EYA1: variants seen among roughly 807,000 people sequenced by gnomAD.
EYA1 encodes the protein protein phosphatase EYA1.
In EYA1, 16 loss-of-function variants were observed where a neutral mutation model predicts 82.0. That is an observed-to-expected ratio of 0.20 (90% confidence interval 0.13 to 0.30). The LOEUF (loss-of-function observed/expected upper bound fraction) is 0.30. Ranked by LOEUF, EYA1 falls within the 10% of genes least tolerant of loss-of-function variation. The pLI is 1.00. For missense variants in EYA1, 633 were observed against 730.7 expected (o/e 0.87, Z 1.54); for synonymous variants, 261 against 264.4 (o/e 0.99, Z 0.12).
intron 2 of EYA1, among the ~76,000 whole-genome samples, chr8:71,443,551 G>T (rs1806595878): frequency 6.6e-6 from 1 of 152,324 alleles, no homozygotes; most frequent in African/African-American, 2.4e-5. Context: ...AAAGTGCTGG[G>T]ATTACAGGCA....
chr8:71,395,348 G>C (rs1030420164), intron 2 of EYA1, among the ~76,000 whole-genome samples: 2 of 152,202 alleles, frequency 1.3e-5, no homozygotes, highest in African/African-American at 2.4e-5. Flanking sequence ...AGTGGTGAGA[G>C]AGGGCATCCC....
Position 71,317,708 on chromosome 8 carries a change from G to A in EYA1, c.419-19C>T. 1 of 1,613,170 alleles carries A rather than the reference G, an allele frequency of 6.2e-7. No homozygotes were observed. Among genetic ancestry groups the A allele is most frequent in the Middle Eastern group, 1.7e-4 (1 of 6,060 alleles). On this transcript the variant is annotated intron_variant, in intron 6 of 17. Coordinates refer to ENST00000340726, the MANE Select transcript of EYA1 (RefSeq NM_000503.6). ...AATGCACCTAAATCAGTTAGTGATA[G>A]CTTATCTATCTGTCCATTTTCAAAA...
intron 3 of EYA1, among the ~76,000 whole-genome samples, chr8:71,351,856 G>C (rs1434624226): frequency 6.6e-6 from 1 of 152,190 alleles, no homozygotes; most frequent in Non-Finnish European, 1.5e-5. Flanking sequence ...ATAGGAACAA[G>C]TGGTGGCAGG....
chr8:71,522,538 A>G (rs1813479055), intron 2 of EYA1, among the ~76,000 whole-genome samples: 1 of 152,232 alleles, frequency 6.6e-6, no homozygotes, highest in African/African-American at 2.4e-5. Context: ...CTCTTTTTGT[A>G]ACTTGTAGTG....
intron 2 of EYA1, among the ~76,000 whole-genome samples, chr8:71,480,298 T>A (rs1347993618): frequency 6.6e-6 from 1 of 152,130 alleles, no homozygotes; most frequent in Non-Finnish European, 1.5e-5. Context: ...GTGTGAAAAT[T>A]GTAAATGGGG....
intron 2 of EYA1, among the ~76,000 whole-genome samples, chr8:71,514,071 T>C (rs898948828): frequency 2.6e-5 from 4 of 152,176 alleles, no homozygotes; most frequent in African/African-American, 9.6e-5. Flanking sequence ...TCCTGGCTAT[T>C]ATGAACAGGG....
At chr8:71,233,707 G>A (rs1811507044) in intron 12 of EYA1, among the ~76,000 whole-genome samples, 1 of 151,992 alleles carries the variant, frequency 6.6e-6, no homozygotes, top group Non-Finnish European at 1.5e-5. Flanking sequence ...TGACATTAAG[G>A]ATTTTGAAAA....
intron 1 of EYA1, among the ~76,000 whole-genome samples, chr8:71,358,578 T>C (rs1827109726): frequency 6.6e-6 from 1 of 152,168 alleles, no homozygotes. Context: ...AAATCTACTC[T>C]CAAGAATGCG....
At chr8:71,272,708 T>C (rs1816693179) in intron 9 of EYA1, among the ~76,000 whole-genome samples, 2 of 152,218 alleles carry the variant, frequency 1.3e-5, no homozygotes, top group African/African-American at 4.8e-5. Context: ...AAAAGCCATT[T>C]ACTCACACCA....
chr8:71,470,705 C>A (rs1809122542), intron 2 of EYA1, among the ~76,000 whole-genome samples: 1 of 151,934 alleles, frequency 6.6e-6, no homozygotes, highest in South Asian at 2.1e-4. Flanking sequence ...TACAAAGATA[C>A]TTCATGTTTT....
intron 11 of EYA1, among the ~76,000 whole-genome samples, chr8:71,248,560 CG>C (rs2128911544): frequency 6.6e-6 from 1 of 152,256 alleles, no homozygotes; most frequent in African/African-American, 2.4e-5. Flanking sequence ...AAACAGAGCA[CG>C]GAGTTCCTAG....
intron 9 of EYA1, among the ~76,000 whole-genome samples, chr8:71,286,797 G>GTT (rs141777395): frequency 8.9e-6 from 1 of 112,484 alleles, no homozygotes; most frequent in Non-Finnish European, 1.9e-5. Flanking sequence ...CATATTGGTA[G>GTT]TTTTTTTTTT....
intron 2 of EYA1, among the ~76,000 whole-genome samples, chr8:71,493,418 T>C (rs562165363): frequency 2.6e-4 from 40 of 152,170 alleles, no homozygotes; most frequent in Non-Finnish European, 5.6e-4. Flanking sequence ...ATGTGGTTTA[T>C]CCAGTAAACA....
intron 2 of EYA1, among the ~76,000 whole-genome samples, chr8:71,481,686 T>C (rs1810175088): frequency 6.6e-6 from 1 of 152,114 alleles, no homozygotes; most frequent in Non-Finnish European, 1.5e-5. Flanking sequence ...AGTTCTCTGT[T>C]ATATTCTATC....
chr8:71,314,975 C>T (rs890747508), intron 7 of EYA1, among the ~76,000 whole-genome samples: 1 of 139,308 alleles, frequency 7.2e-6, no homozygotes, highest in East Asian at 2.6e-4. Flanking sequence ...TCCTTTTCTA[C>T]TCATTCATTT....
At chr8:71,363,325 C>CA (rs1217408465), upstream of EYA1, among the ~76,000 whole-genome samples, 1 of 151,932 alleles carries the variant, frequency 6.6e-6, no homozygotes, top group Admixed American at 6.6e-5. Flanking sequence ...CCGATGCAAA[C>CA]AAAAAATAAA....
chr8:71,277,738 G>A (rs957254426), intron 9 of EYA1, among the ~76,000 whole-genome samples: 16 of 152,204 alleles, frequency 1.1e-4, no homozygotes, highest in Admixed American at 9.2e-4. Context: ...AGCATGGTAA[G>A]TGTCTAGAGT....
intron 4 of EYA1, among the ~76,000 whole-genome samples, chr8:71,333,005 G>A (rs539149504): frequency 2.0e-5 from 3 of 152,200 alleles, no homozygotes; most frequent in African/African-American, 4.8e-5. Context: ...AGGTCCCTTC[G>A]TGGGTGTTCT....
At chr8:71,542,934 T>C (rs1478940723) in intron 1 of EYA1, among the ~76,000 whole-genome samples, 1 of 152,186 alleles carries the variant, frequency 6.6e-6, no homozygotes, top group Non-Finnish European at 1.5e-5. Flanking sequence ...TTTAAGTTCC[T>C]TATAGATGCT....
Sources: gnomAD v4.1 joint callset for allele counts (sites outside exome capture counted in the v4.1 genomes callset) on GRCh38, gnomAD v4.1.1 for gene constraint, MANE v1.5 for transcripts, NCBI Gene and HGNC (gene_info 2026-07-23, HGNC 2026-07-21) for gene names.